VAV2: variants seen among roughly 807,000 people sequenced by gnomAD.
The protein encoded by VAV2 is guanine nucleotide exchange factor VAV2.
VAV2 carries 67 observed loss-of-function variants against 132.5 expected under a neutral mutation model. The observed-to-expected ratio is 0.51, with a 90% CI of 0.42 to 0.62. VAV2 has a LOEUF of 0.62. Among genes scored for constraint, VAV2 ranks in the 20% least tolerant of loss-of-function variants. The pLI is 0.00. For missense variants in VAV2, 938 were observed against 1,153.6 expected, an observed-to-expected ratio of 0.81 and a Z score of 2.71; for synonymous variants, 492 against 443.5, an observed-to-expected ratio of 1.11 and a Z score of -1.37.
At chr9:133,813,667 C>T (rs1170729195) in intron 4 of VAV2, among the ~76,000 whole-genome samples, 13 of 152,210 alleles carry the variant, frequency 8.5e-5, no homozygotes, top group African/African-American at 1.7e-4. Flanking sequence ...GCAAAGGAGG[C>T]GGAGGAAGCT....
At chr9:133,951,626 C>T (rs1253090342) in intron 1 of VAV2, among the ~76,000 whole-genome samples, 1 of 152,134 alleles carries the variant, frequency 6.6e-6, no homozygotes, top group Non-Finnish European at 1.5e-5. Context: ...CTCTCAGAGC[C>T]TCAGTTTCCT....
rs534387315 is a variant in VAV2, at chr9:133,987,759, G to T, written c.204+4316C>A. ...ACCTCGGGACCTCCCAACCGAAGCTGCTCCAGACACACCCGATTTCTCGTT... is the reference window on the plus strand; with the variant it reads ...ACCTCGGGACCTCCCAACCGAAGCTTCTCCAGACACACCCGATTTCTCGTT... On this transcript the variant is annotated intron_variant, in intron 1 of 29. Transcript: ENST00000371850. Among the ~76,000 whole-genome samples the T allele has an allele frequency of 3.3e-4, 50 of 152,364 alleles. 1 individual carries two copies. The South Asian group carries it at 7.7e-3, about 23-fold the overall frequency.
intron 1 of VAV2, among the ~76,000 whole-genome samples, chr9:133,939,971 G>A (rs1264699701): frequency 6.6e-6 from 1 of 152,256 alleles, no homozygotes; most frequent in Non-Finnish European, 1.5e-5. Flanking sequence ...GTGCCACAGG[G>A]GCGGAAGGCT....
At chr9:133,772,890 A>G in intron 25 of VAV2, among the ~76,000 whole-genome samples, 1 of 146,622 alleles carries the variant, frequency 6.8e-6, no homozygotes, top group African/African-American at 2.5e-5. Flanking sequence ...AGCCTACTGC[A>G]CACCCCACAT....
chr9:133,917,397 A>T (rs111794901), intron 2 of VAV2, among the ~76,000 whole-genome samples: 2,111 of 151,596 alleles, frequency 0.014, 37 homozygotes, highest in African/African-American at 0.048. Context: ...TTTTGACTTA[A>T]CAGAGAGCTG....
intron 2 of VAV2, among the ~76,000 whole-genome samples, chr9:133,937,554 G>GTT (rs1195411972): frequency 1.3e-5 from 2 of 151,960 alleles, no homozygotes; most frequent in Admixed American, 6.6e-5. Context: ...GTGTGTGTGT[G>GTT]TGTGTTCTGA....
chr9:133,821,514 T>G (rs748842653), intron 4 of VAV2, among the ~76,000 whole-genome samples: 7 of 152,132 alleles, frequency 4.6e-5, no homozygotes, highest in Non-Finnish European at 7.4e-5. Flanking sequence ...AGGCTGAGCA[T>G]ACAGTAGGTG....
At chr9:133,783,063 G>A (rs1029198299) in intron 19 of VAV2, among the ~76,000 whole-genome samples, 1 of 152,232 alleles carries the variant, frequency 6.6e-6, no homozygotes, top group Non-Finnish European at 1.5e-5. Flanking sequence ...GCATGTGTGT[G>A]TGTGTCTGAA....
intron 25 of VAV2, among the ~76,000 whole-genome samples, chr9:133,774,029 T>C (rs1417760593): frequency 6.6e-6 from 1 of 152,196 alleles, no homozygotes; most frequent in African/African-American, 2.4e-5. Flanking sequence ...CCTCACAGAC[T>C]GGAATGTCAT....
chr9:133,801,796 G>C (rs997812172), intron 9 of VAV2, among the ~76,000 whole-genome samples: 4 of 152,150 alleles, frequency 2.6e-5, no homozygotes, highest in South Asian at 2.1e-4. Flanking sequence ...ATGTGGAGAT[G>C]GGGACAGAGA....
chr9:133,796,931 C>T (rs1050525408), intron 10 of VAV2, among the ~76,000 whole-genome samples: 5 of 152,230 alleles, frequency 3.3e-5, no homozygotes, highest in Non-Finnish European at 7.3e-5. Context: ...CTGGGAGAAG[C>T]AAGGTGGGGC....
chr9:133,903,275 T>C (rs1455274384), intron 2 of VAV2, among the ~76,000 whole-genome samples: 1 of 152,038 alleles, frequency 6.6e-6, no homozygotes, highest in African/African-American at 2.4e-5. Flanking sequence ...TTCCAGTACA[T>C]TTCGGTGGTT....
At position 133,833,491 on chromosome 9, in the gene VAV2, G is replaced by A. The variant is rs187110967; in HGVS notation, c.449+781C>T. Among the ~76,000 whole-genome samples, 1,662 of 152,300 alleles carry A rather than the reference G, an allele frequency of 0.011. 23 individuals are homozygous for A. The highest frequency in any genetic ancestry group is 0.038 in the African/African-American group (1,585 of 41,556). On this transcript the variant is annotated intron_variant, in intron 4 of 29. Coordinates refer to ENST00000371850, the MANE Select transcript of VAV2 (RefSeq NM_001134398.2). The surrounding 1 kb of genome is among the most constrained non-coding windows in gnomAD (Gnocchi z 5.6). ...CCAGAGGCCCCCAGGCAGCAAGGAT[G>A]CCCGAAGGCACCATCTCCCGGTGGC...
rs1836325975 is a variant in VAV2 at position 133,833,113 on chromosome 9, A to G, written c.449+1159T>C. 6.6e-6 allele frequency among the ~76,000 whole-genome samples: 1 copy of G among 152,170 alleles called. No individual in the cohort carries two copies. Among genetic ancestry groups the G allele is most frequent in the African/African-American group, 2.4e-5 (1 of 41,438 alleles). Reference sequence around the variant, plus strand: ...GGGATGGGCTGGTGGCAGCTACTCCAGCTGGTGGGTGAGGAATTTCTTTCA... The same window carrying G: ...GGGATGGGCTGGTGGCAGCTACTCCGGCTGGTGGGTGAGGAATTTCTTTCA... On this transcript the variant is annotated intron_variant, in intron 4 of 29. Transcript: ENST00000371850. This position sits in a 1 kb window ranked among gnomAD's most constrained non-coding sequence, Gnocchi z 5.6.
At chr9:133,872,196 G>A (rs1014372057) in intron 2 of VAV2, among the ~76,000 whole-genome samples, 4 of 152,124 alleles carry the variant, frequency 2.6e-5, no homozygotes, top group African/African-American at 7.2e-5. Flanking sequence ...GAACCAGGGC[G>A]TCAGTGACCT....
chr9:133,977,824 GGCAGCACCT>G (rs1842562305), intron 1 of VAV2, among the ~76,000 whole-genome samples: 1 of 152,200 alleles, frequency 6.6e-6, no homozygotes. Flanking sequence ...AGGTCAAGGG[GGCAGCACCT>G]GAGTCAGGAA....
intron 22 of VAV2, among the ~76,000 whole-genome samples, chr9:133,777,733 C>A (rs896817833): frequency 6.6e-6 from 1 of 152,068 alleles, no homozygotes; most frequent in Non-Finnish European, 1.5e-5. Context: ...TGGTCATACC[C>A]GGGGAGGGAC....
intron 9 of VAV2, 58 bp from the exon 10 acceptor site, chr9:133,797,867 G>A: frequency 6.6e-7 from 1 of 1,522,368 alleles, no homozygotes; most frequent in Non-Finnish European, 9.0e-7. Flanking sequence ...GCTCGGGGCT[G>A]CAGTGAGCCC....
intron 2 of VAV2, among the ~76,000 whole-genome samples, chr9:133,899,747 C>T (rs1261872698): frequency 2.8e-5 from 4 of 142,140 alleles, no homozygotes; most frequent in Non-Finnish European, 4.6e-5. Flanking sequence ...GTGTGCCGGG[C>T]GTGGTGGCTC....
Sources: allele counts gnomAD v4.1 joint callset (sites outside exome capture counted in the v4.1 genomes callset), GRCh38; gene constraint gnomAD v4.1.1; non-coding constraint Gnocchi (gnomAD v3.1); transcripts MANE v1.5; gene names NCBI Gene and HGNC (gene_info 2026-07-23, HGNC 2026-07-21).